Variants in OSCAR observed in about 807,000 individuals in gnomAD.
OSCAR encodes osteoclast associated Ig-like receptor, also known as osteoclast-associated immunoglobulin-like receptor.
OSCAR carries 25 observed loss-of-function variants against 27.3 expected under a neutral mutation model. The observed-to-expected ratio is 0.92, with a 90% CI of 0.67 to 1.28. The LOEUF (loss-of-function observed/expected upper bound fraction) is 1.28. Among genes scored for constraint, OSCAR ranks in the 50% most tolerant of loss-of-function variants. OSCAR has a pLI of 0.00. For missense variants in OSCAR, 354 were observed against 355.1 expected, an observed-to-expected ratio of 1.00 and a Z score of 0.03; for synonymous variants, 158 against 165.7, an observed-to-expected ratio of 0.95 and a Z score of 0.36.
chr19:54,100,798 G>A lies in OSCAR; in HGVS notation c.-6C>T. On this transcript the variant is annotated 5_prime_UTR_variant, in exon 1 of 5. Coordinates refer to ENST00000358375, the MANE Select transcript of OSCAR (RefSeq NM_133169.6). ...AGGATCAGCACCAGGGCCATGGTGGGCAGATACCCGCTAGAGCTGGAGCCA... is the reference window on the plus strand; with the variant it reads ...AGGATCAGCACCAGGGCCATGGTGGACAGATACCCGCTAGAGCTGGAGCCA... The A allele has an allele frequency of 6.4e-7, 1 of 1,552,050 alleles. No homozygotes were observed. The highest frequency in any genetic ancestry group is 8.7e-7 in the Non-Finnish European group (1 of 1,147,122).
chr19:54,098,426 G>A (rs1338557658), intron 2 of OSCAR, among the ~76,000 whole-genome samples: 2 of 151,944 alleles, frequency 1.3e-5, no homozygotes, highest in African/African-American at 2.4e-5. Context: ...TTAGCCAGGC[G>A]TGGTAGTGCT....
Position 54,095,111 on chromosome 19 carries a change from C to T in OSCAR, c.*110G>A, listed in dbSNP as rs2072559181. Reference sequence around the variant, plus strand: ...ACAGCGGGGTCTAAGGACCGTTCCGCGGAGCTCAGCCAGCAGGACTGTGGG... The same window carrying T: ...ACAGCGGGGTCTAAGGACCGTTCCGTGGAGCTCAGCCAGCAGGACTGTGGG... On this transcript the variant is annotated 3_prime_UTR_variant, in exon 5 of 5. Coordinates refer to ENST00000358375, the MANE Select transcript of OSCAR (RefSeq NM_133169.6). 11 of 1,468,136 alleles carry T rather than the reference C, an allele frequency of 7.5e-6. No homozygotes were observed. The highest frequency in any genetic ancestry group is 4.2e-5 in the African/African-American group (3 of 70,826). The allele number at this position is 1,468,136 out of a possible 1,614,324, so 90.9% of individuals were successfully genotyped here.
chr19:54,095,366 G>C lies in OSCAR; in HGVS notation c.656-9C>G. ...GTCGGAGGAGCCAGAGTCTGCGGGC[G>C]GAGCCGGGAGAGAGGGGCCATCAGC... On this transcript the variant is annotated splice_polypyrimidine_tract_variant and intron_variant, in intron 4 of 4. Transcript: ENST00000358375. The C allele has an allele frequency of 6.4e-7, 1 of 1,551,754 alleles. No individual in the cohort carries two copies. Among genetic ancestry groups the C allele is most frequent in the Non-Finnish European group, 8.7e-7 (1 of 1,148,316 alleles).
At position 54,095,368 on chromosome 19, in the gene OSCAR, A is replaced by T. The variant is rs2072585234; in HGVS notation, c.656-11T>A. ...CGGAGGAGCCAGAGTCTGCGGGCGG[A>T]GCCGGGAGAGAGGGGCCATCAGCTC... On this transcript the variant is annotated splice_polypyrimidine_tract_variant and intron_variant, in intron 4 of 4. Transcript: ENST00000358375. The T allele has an allele frequency of 6.4e-7, 1 of 1,551,452 alleles. No individual in the cohort carries two copies. Among genetic ancestry groups the T allele is most frequent in the Non-Finnish European group, 8.7e-7 (1 of 1,148,056 alleles).
At position 54,095,347 on chromosome 19, in the gene OSCAR, GGAGCCA is replaced by G; in HGVS notation, c.660_665del (p.Gly221_Ser222del). 6.4e-7 allele frequency: 1 copy of G among 1,564,162 alleles called. No homozygotes were observed. The highest frequency in any genetic ancestry group is 8.7e-7 in the Non-Finnish European group (1 of 1,154,688). The stretch of plus-strand genomic sequence containing the variant: ...CTAGGTTCCCCCGGGTGTAGTCGGA[GGAGCCA>G]GAGTCTGCGGGCGGAGCCGGGAGAG... On this transcript the variant is annotated inframe_deletion, in exon 5 of 5. Transcript: ENST00000358375.
At position 54,100,783 on chromosome 19, in the gene OSCAR, C is replaced by T. The variant is rs753360627; in HGVS notation, c.10G>A (p.Val4Met). 17 of 1,552,120 alleles carry T rather than the reference C, an allele frequency of 1.1e-5. No individual in the cohort carries two copies. Among genetic ancestry groups the T allele is most frequent in the Middle Eastern group, 1.7e-4 (1 of 6,014 alleles). ...AGGGTCAGCAGCTGGAGGATCAGCA[C>T]CAGGGCCATGGTGGGCAGATACCCG... is the stretch of plus-strand genomic sequence containing the variant. The part of the protein sequence containing the change: MAL[V>M]LILQLLTLWP... The change falls in exon 1 of 5, where the codon GTG becomes ATG. Residue 4 changes from valine to methionine, a missense_variant. By Grantham distance (21) the Val-to-Met change is conservative. Coordinates refer to ENST00000358375, the MANE Select transcript of OSCAR (RefSeq NM_133169.6).
In OSCAR at chr19:54,096,952, C is replaced by T; in HGVS notation, c.283G>A (p.Gly95Arg). Residue 95 changes from glycine (G) to arginine (R), a missense_variant, in exon 3 of 5, where the codon GGG becomes AGG. Coordinates refer to ENST00000358375, the MANE Select transcript of OSCAR (RefSeq NM_133169.6). ...CGGTAGCAGCAGCGGTAACTTCCCC[C>T]TTGGGCTGGAGTCACCTCCTCCAGA... is the stretch of plus-strand genomic sequence containing the variant. The part of the protein sequence containing the change: ...FFLEEVTPAQ[G>R]GSYRCCYRRP... The T allele has an allele frequency of 6.2e-7, 1 of 1,614,210 alleles. No homozygotes were observed. The highest frequency in any genetic ancestry group is 1.3e-5 in the African/African-American group (1 of 75,054).
Position 54,096,112 on chromosome 19 carries a change from C to T in OSCAR, c.415G>A (p.Val139Met), listed in dbSNP as rs1211963267. Reference sequence around the variant, plus strand: ...CTCACGTTGGCGCCAGGACCCACCACCGGCCCGGGCAGCGCCACCAGCGAC... The same window carrying T: ...CTCACGTTGGCGCCAGGACCCACCATCGGCCCGGGCAGCGCCACCAGCGAC... ...RPSLVALPGP[V>M]VGPGANVSLR... Residue 139 changes from valine (V) to methionine (M), a missense_variant, in exon 4 of 5, where the codon GTG (valine) becomes ATG (methionine). Coordinates refer to ENST00000358375, the MANE Select transcript of OSCAR (RefSeq NM_133169.6). 6.5e-7 allele frequency: 1 copy of T among 1,528,286 alleles called. No homozygotes were observed. The highest frequency in any genetic ancestry group is 8.7e-7 in the Non-Finnish European group (1 of 1,144,020). 94.7% of individuals were successfully genotyped at this position (1,528,286 alleles called of 1,614,324 possible). A position where few individuals can be genotyped will look rare whatever the true frequency, so the allele number is the denominator to read the frequency against.
At chr19:54,099,815 T>G (rs1435152357) in intron 1 of OSCAR, 35 bp from the exon 2 acceptor site, 1 of 869,930 alleles carries the variant, frequency 1.1e-6, no homozygotes, top group Admixed American at 3.3e-5. Flanking sequence ...TCTTTTTCCT[T>G]TTTTTTTTTT....
chr19:54,100,262 C>G (rs1180505796), intron 1 of OSCAR, among the ~76,000 whole-genome samples: 1 of 152,208 alleles, frequency 6.6e-6, no homozygotes, highest in Non-Finnish European at 1.5e-5. Context: ...TTTGGACATC[C>G]ATTGCCCACC....
Position 54,095,157 on chromosome 19 carries a change from A to T in OSCAR, c.*64T>A. ...GTGGGGCTGCAGGAAAGGACAGTCC[A>T]GCCCAGGGTCCCAGCTTCTCCGCCA... On this transcript the variant is annotated 3_prime_UTR_variant, in exon 5 of 5. Coordinates refer to ENST00000358375, the MANE Select transcript of OSCAR (RefSeq NM_133169.6). 1.3e-6 allele frequency: 2 copies of T among 1,563,540 alleles called. No homozygotes were observed. The highest frequency in any genetic ancestry group is 1.7e-6 in the Non-Finnish European group (2 of 1,154,278).
chr19:54,096,290 C>G, intron 3 of OSCAR, 137 bp from the exon 4 acceptor site: 1 of 807,152 alleles, frequency 1.2e-6, no homozygotes, highest in Non-Finnish European at 1.8e-6. Context: ...CTCTGCCTGT[C>G]TCTCTCTCTG....
At chr19:54,099,290 T>C (rs2072924233) in intron 2 of OSCAR, among the ~76,000 whole-genome samples, 1 of 145,170 alleles carries the variant, frequency 6.9e-6, no homozygotes, top group Non-Finnish European at 1.5e-5. Context: ...GCCAGGATGA[T>C]CTCGATCTGA....
intron 2 of OSCAR, among the ~76,000 whole-genome samples, chr19:54,097,584 C>CTTTTTTTTTT (rs33998262): frequency 2.7e-5 from 1 of 37,456 alleles, no homozygotes; most frequent in African/African-American, 1.1e-4. Flanking sequence ...CACACCCAGA[C>CTTTTTTTTTT]TTTTTTTTTT....
intron 4 of OSCAR, 35 bp from the exon 5 acceptor site, chr19:54,095,392 T>C (rs1410239730): frequency 4.5e-6 from 7 of 1,541,348 alleles, no homozygotes; most frequent in Non-Finnish European, 5.2e-6. Flanking sequence ...GGCCATCAGC[T>C]CCCGGACCCC....
intron 1 of OSCAR, 33 bp from the exon 2 acceptor site, chr19:54,099,813 C>CG: frequency 7.0e-7 from 1 of 1,426,424 alleles, no homozygotes; most frequent in African/African-American, 1.5e-5. Context: ...TTTCTTTTTC[C>CG]TTTTTTTTTT....
At chr19:54,099,810 T>C (rs1455351478) in intron 1 of OSCAR, 30 bp from the exon 2 acceptor site, 28 of 1,589,712 alleles carry the variant, frequency 1.8e-5, no homozygotes, top group African/African-American at 5.6e-5. Flanking sequence ...TAGTTTCTTT[T>C]TCCTTTTTTT....
rs992656478 is a variant in OSCAR at position 54,095,463 on chromosome 19, T to C, written c.656-106A>G. ...TGGGGTGGACTTAGGGACCTGACTC[T>C]ACAGTCTCAAAGTTGAGGGGGAGTC... On this transcript the variant is annotated intron_variant, in intron 4 of 4. Transcript: ENST00000358375. 43 of 1,466,324 alleles carry C rather than the reference T, an allele frequency of 2.9e-5. No individual in the cohort carries two copies. The African/African-American group carries it at 5.1e-4, about 17-fold the overall frequency. The allele number at this position is 1,466,324 out of a possible 1,614,324, so 90.8% of individuals were successfully genotyped here.
rs757218082 is a variant in OSCAR, at chr19:54,097,077, C to T, written c.158G>A (p.Cys53Tyr). The T allele has an allele frequency of 2.5e-6, 4 of 1,614,062 alleles. No individual in the cohort carries two copies. Among genetic ancestry groups the T allele is most frequent in the African/African-American group, 2.7e-5 (2 of 74,924 alleles). The change falls in exon 3 of 5, where the codon TGC (cysteine) becomes TAC (tyrosine). Residue 53 changes from cysteine (C) to tyrosine (Y), a missense_variant. Physicochemically the swap from Cys to Tyr is radical, Grantham distance 194. Transcript: ENST00000358375. ...TCTCCAAGCGGGTTGGGGTGCCCGG[C>T]ATCTCAAGGTCACGTTGACCCCAGG... ...VTPGVNVTLR[C>Y]RAPQPAWRFG...
Sources: gnomAD v4.1 joint callset for allele counts (sites outside exome capture counted in the v4.1 genomes callset) on GRCh38, gnomAD v4.1.1 for gene constraint, MANE v1.5 for transcripts, NCBI Gene and HGNC (gene_info 2026-07-23, HGNC 2026-07-21) for gene names.